EDC4: variants seen among roughly 807,000 people sequenced by gnomAD.
EDC4 encodes the protein enhancer of mRNA-decapping protein 4.
Under a neutral mutation model 155.8 loss-of-function variants are expected in EDC4, and 64 were observed. That is an observed-to-expected ratio of 0.41 (90% CI 0.34 to 0.51). The LOEUF is 0.51. EDC4 is among the 20% of genes least tolerant of loss of function. The pLI, the probability that EDC4 is intolerant of heterozygous loss-of-function variation, is 0.19. For synonymous variants in EDC4, 684 were observed against 716.8 expected (o/e 0.95, Z 0.73); for missense variants, 1,303 against 1,812.5 (o/e 0.72, Z 5.10).
At chr16:67,874,328 C>A (rs1464393732) in intron 1 of EDC4, among the ~76,000 whole-genome samples, 1 of 152,216 alleles carries the variant, frequency 6.6e-6, no homozygotes, top group Non-Finnish European at 1.5e-5. Context: ...CTTGTTCTTA[C>A]ACCTGCTGGG....
chr16:67,880,294 A>G lies in EDC4; in HGVS notation c.2097+78A>G. The G allele has an allele frequency of 2.0e-6, 3 of 1,512,934 alleles. No individual in the cohort carries two copies. Among genetic ancestry groups the G allele is most frequent in the Non-Finnish European group, 2.6e-6 (3 of 1,133,368 alleles). 93.7% of individuals were successfully genotyped at this position (1,512,934 alleles called of 1,614,324 possible). On this transcript the variant is annotated intron_variant, in intron 17 of 28. Transcript: ENST00000358933. The surrounding 1 kb of genome is among the most constrained non-coding windows in gnomAD (Gnocchi z 5.2). ...GGAAGGTGGGTGGTGGGCTCCTCCC[A>G]GCCCCCTGCTGCTGATCCTGCTCTA...
chr16:67,882,132 C>G lies in EDC4; in HGVS notation c.3160+23C>G. ...CATGTGAGTTTTGCATGCAGACTCC[C>G]TTTGGGTGGTTCAGGTGGGAGTGGG... On this transcript the variant is annotated intron_variant, in intron 23 of 28. Coordinates refer to ENST00000358933, the MANE Select transcript of EDC4 (RefSeq NM_014329.5). The surrounding 1 kb of genome is among the most constrained non-coding windows in gnomAD (Gnocchi z 7.2). 1.2e-6 allele frequency: 2 copies of G among 1,613,812 alleles called. No homozygotes were observed. Among genetic ancestry groups the G allele is most frequent in the Non-Finnish European group, 1.7e-6 (2 of 1,179,992 alleles).
rs2058065101 is a variant in EDC4 at position 67,881,001 on chromosome 16, T to TGGGAGGG, written c.2531+13_2531+19dup. ...CACCCTGGCAGAAAGGTGAGGAGCT[T>TGGGAGGG]GGGAGGGGAAAAGTGTGCTAGCAGG... On this transcript the variant is annotated intron_variant, in intron 18 of 28. Transcript: ENST00000358933. This position sits in a 1 kb window ranked among gnomAD's most constrained non-coding sequence, Gnocchi z 5.4. 1.2e-6 allele frequency: 2 copies of TGGGAGGG among 1,613,324 alleles called. No individual in the cohort carries two copies. The highest frequency in any genetic ancestry group is 8.5e-7 in the Non-Finnish European group (1 of 1,179,716).
rs775435616 is a variant in EDC4 at position 67,881,982 on chromosome 16, G to GGGGCAGCAGCGGGGA, written c.3041_3055dup (p.Gln1014_Gln1018dup). ...GGCGGCTGGAGCGAGCACTGGCTGAGGGGCAGCAGCGGGGAGGGCAGCTGC... is the reference window on the plus strand; with the variant it reads ...GGCGGCTGGAGCGAGCACTGGCTGAGGGGCAGCAGCGGGGAGGGCAGCAGCGGGGAGGGCAGCTGC... On this transcript the variant is annotated inframe_insertion, in exon 23 of 29. Transcript: ENST00000358933. The surrounding 1 kb of genome is among the most constrained non-coding windows in gnomAD (Gnocchi z 5.4). 2.5e-6 allele frequency: 4 copies of GGGGCAGCAGCGGGGA among 1,609,978 alleles called. No homozygotes were observed. The South Asian group carries it at 4.4e-5, about 18-fold the overall frequency.
rs1409671029 is a variant in EDC4, at chr16:67,879,407, T to C, written c.1542-5T>C. On this transcript the variant is annotated splice_region_variant and splice_polypyrimidine_tract_variant and intron_variant, in intron 13 of 28. Coordinates refer to ENST00000358933, the MANE Select transcript of EDC4 (RefSeq NM_014329.5). The surrounding 1 kb of genome is among the most constrained non-coding windows in gnomAD (Gnocchi z 6.0). Reference sequence around the variant, plus strand: ...CACTTTATTCTCCCCCTTCTTTTCCTGCAGGGCACTGCAAGATGTGCAGAT... The same window carrying C: ...CACTTTATTCTCCCCCTTCTTTTCCCGCAGGGCACTGCAAGATGTGCAGAT... 1.9e-6 allele frequency: 3 copies of C among 1,614,080 alleles called. No homozygotes were observed. Among genetic ancestry groups the C allele is most frequent in the Non-Finnish European group, 2.5e-6 (3 of 1,180,034 alleles).
intron 1 of EDC4, 148 bp from the exon 2 acceptor site, chr16:67,875,797 A>G (rs751471415): frequency 3.4e-6 from 5 of 1,471,472 alleles, no homozygotes; most frequent in Admixed American, 2.5e-5. Flanking sequence ...GGAACGAGAG[A>G]TGAACACAGG....
Position 67,878,620 on chromosome 16 carries a change from G to A in EDC4, c.1173G>A (p.Leu391=). 6.2e-7 allele frequency: 1 copy of A among 1,614,212 alleles called. No individual in the cohort carries two copies. ...GGTGTACAGTATCCTGGACCTGCCT[G>A]CAGACTATTCGGTAAGCAGTGGCTG... ...KMWCTVSWTC[L]QTIRFSPDIF... The change falls in exon 10 of 29, where the codon CTG becomes CTA. Residue 391 remains leucine, a synonymous_variant. Transcript: ENST00000358933. The surrounding 1 kb of genome is among the most constrained non-coding windows in gnomAD (Gnocchi z 5.2).
Position 67,876,004 on chromosome 16 carries a change from C to A in EDC4, c.142C>A (p.Leu48Met). 1.2e-6 allele frequency: 2 copies of A among 1,614,204 alleles called. No individual in the cohort carries two copies. Among genetic ancestry groups the A allele is most frequent in the Non-Finnish European group, 1.7e-6 (2 of 1,180,040 alleles). ...CTACAATGGGGACCTCAATGGACTT[C>A]TGGTCCCAGACCCGCTCTGCTCAGG... ...SAYNGDLNGL[L>M]VPDPLCSGDS... Residue 48 changes from leucine (L) to methionine (M), a missense_variant, in exon 2 of 29, where the codon CTG becomes ATG. Leu to Met is a conservative substitution (Grantham distance 15). Around this residue, in one of 5 missense-constraint regions of EDC4, gnomAD observed 99 missense variants for 121.3 expected, o/e 0.82. Transcript: ENST00000358933. This position sits in a 1 kb window ranked among gnomAD's most constrained non-coding sequence, Gnocchi z 5.8.
Position 67,883,235 on chromosome 16 carries a change from C to G in EDC4, c.3849+58C>G. The G allele has an allele frequency of 6.7e-7, 1 of 1,500,632 alleles. No individual in the cohort carries two copies. The highest frequency in any genetic ancestry group is 1.3e-5 in the South Asian group (1 of 78,230). The allele number at this position is 1,500,632 out of a possible 1,614,324, so 93.0% of individuals were successfully genotyped here. A position where few individuals can be genotyped will look rare whatever the true frequency, so the allele number is the denominator to read the frequency against. ...CGTGTCTCTTGACAAGGCCCACATA[C>G]CATACATTCTACTCCACCCACCACC... On this transcript the variant is annotated intron_variant, in intron 27 of 28. Transcript: ENST00000358933. This position sits in a 1 kb window ranked among gnomAD's most constrained non-coding sequence, Gnocchi z 5.3.
chr16:67,873,330 C>A lies in EDC4; in HGVS notation c.69C>A (p.Asp23Glu). 6.8e-7 allele frequency: 1 copy of A among 1,463,878 alleles called. No homozygotes were observed. The highest frequency in any genetic ancestry group is 1.3e-5 in the South Asian group (1 of 76,230). The allele number at this position is 1,463,878 out of a possible 1,614,324, so 90.7% of individuals were successfully genotyped here. ...TQHLRDILKL[D>E]RPAGGPSAES... The stretch of plus-strand genomic sequence containing the variant: ...ACCTGCGGGACATCCTCAAGCTGGA[C>A]CGGCCCGCGGGCGGTGAGCGGGGGT... The change falls in exon 1 of 29, where the codon GAC (aspartate) becomes GAA (glutamate). Residue 23 changes from aspartate (D) to glutamate (E), a missense_variant. Asp to Glu is a conservative substitution (Grantham distance 45). Around this residue, in one of 5 missense-constraint regions of EDC4, gnomAD observed 99 missense variants for 121.3 expected, o/e 0.82. Coordinates refer to ENST00000358933, the MANE Select transcript of EDC4 (RefSeq NM_014329.5).
Position 67,882,176 on chromosome 16 carries a change from C to T in EDC4, c.3161-36C>T. 1.2e-6 allele frequency: 2 copies of T among 1,611,720 alleles called. No homozygotes were observed. The highest frequency in any genetic ancestry group is 1.7e-6 in the Non-Finnish European group (2 of 1,178,578). The stretch of plus-strand genomic sequence containing the variant: ...GAGTGGGGTACCTGTCAAGCTTCTT[C>T]TCATGGCTCCACCTCACCCTCTTCC... On this transcript the variant is annotated intron_variant, in intron 23 of 28. Coordinates refer to ENST00000358933, the MANE Select transcript of EDC4 (RefSeq NM_014329.5). This position sits in a 1 kb window ranked among gnomAD's most constrained non-coding sequence, Gnocchi z 7.2.
At position 67,880,896 on chromosome 16, in the gene EDC4, G is replaced by T; in HGVS notation, c.2437G>T (p.Ala813Ser). 6.2e-7 allele frequency: 1 copy of T among 1,614,008 alleles called. No individual in the cohort carries two copies. The highest frequency in any genetic ancestry group is 8.5e-7 in the Non-Finnish European group (1 of 1,180,008). Residue 813 changes from alanine (A) to serine (S), a missense_variant, in exon 18 of 29, where the codon GCA becomes TCA. Physicochemically the swap from Ala to Ser is moderately conservative, Grantham distance 99. Coordinates refer to ENST00000358933, the MANE Select transcript of EDC4 (RefSeq NM_014329.5). The surrounding 1 kb of genome is among the most constrained non-coding windows in gnomAD (Gnocchi z 5.2). ...DRHNTPSLLE[A>S]ALTQEASTPD... Reference sequence around the variant, plus strand: ...GCATAATACCCCCTCCCTCCTGGAGGCAGCCTTGACCCAGGAGGCCTCGAC... The same window carrying T: ...GCATAATACCCCCTCCCTCCTGGAGTCAGCCTTGACCCAGGAGGCCTCGAC...
Position 67,878,565 on chromosome 16 carries a change from G to A in EDC4, c.1118G>A (p.Gly373Asp), listed in dbSNP as rs2058051558. Reference protein sequence around the residue: ...DVPFWRFLITGADQNRELKMW... With the variant: ...DVPFWRFLITDADQNRELKMW... ...CCTTTCTGGAGGTTCCTTATTACTG[G>A]TGCTGACCAGAACCGAGAGTTAAAG... Residue 373 changes from glycine (G) to aspartate (D), a missense_variant, in exon 10 of 29, where the codon GGT (glycine) becomes GAT (aspartate). Gly to Asp is a moderately conservative substitution (Grantham distance 94). Transcript: ENST00000358933. The surrounding 1 kb of genome is among the most constrained non-coding windows in gnomAD (Gnocchi z 5.2). 6.2e-7 allele frequency: 1 copy of A among 1,614,100 alleles called. No individual in the cohort carries two copies. Among genetic ancestry groups the A allele is most frequent in the Non-Finnish European group, 8.5e-7 (1 of 1,180,060 alleles).
Position 67,881,252 on chromosome 16 carries a change from C to T in EDC4, c.2637-13C>T. 1 of 1,614,030 alleles carries T rather than the reference C, an allele frequency of 6.2e-7. No homozygotes were observed. Among genetic ancestry groups the T allele is most frequent in the Non-Finnish European group, 8.5e-7 (1 of 1,179,988 alleles). On this transcript the variant is annotated splice_polypyrimidine_tract_variant and intron_variant, in intron 19 of 28. Coordinates refer to ENST00000358933, the MANE Select transcript of EDC4 (RefSeq NM_014329.5). The surrounding 1 kb of genome is among the most constrained non-coding windows in gnomAD (Gnocchi z 5.4). ...AGTGGGCAGGGGCTTACTCCTCCTT[C>T]CCCTTCCCACAGTGACCATGATGAT...
Position 67,881,199 on chromosome 16 carries a change from C to T in EDC4, c.2636+19C>T. On this transcript the variant is annotated intron_variant, in intron 19 of 28. Coordinates refer to ENST00000358933, the MANE Select transcript of EDC4 (RefSeq NM_014329.5). The surrounding 1 kb of genome is among the most constrained non-coding windows in gnomAD (Gnocchi z 5.4). ...AGCAAAGGTGGGAGCCACTCTACAC[C>T]ATTGCCCTCATGGGGGGATGGGCAG... 1.9e-6 allele frequency: 3 copies of T among 1,614,114 alleles called. No individual in the cohort carries two copies. Among genetic ancestry groups the T allele is most frequent in the Non-Finnish European group, 2.5e-6 (3 of 1,180,030 alleles).
At position 67,882,040 on chromosome 16, in the gene EDC4, C is replaced by G. The variant is rs528620347; in HGVS notation, c.3091C>G (p.Leu1031Val). 6.2e-7 allele frequency: 1 copy of G among 1,612,734 alleles called. No individual in the cohort carries two copies. The highest frequency in any genetic ancestry group is 8.5e-7 in the Non-Finnish European group (1 of 1,179,676). The change falls in exon 23 of 29, where the codon CTG (leucine) becomes GTG (valine). Residue 1031 changes from leucine (L) to valine (V), a missense_variant. Transcript: ENST00000358933. This position sits in a 1 kb window ranked among gnomAD's most constrained non-coding sequence, Gnocchi z 7.2. Reference sequence around the variant, plus strand: ...GCTGACACAACAGTTGTCCCAAGCACTGTCGTCAGCTGTAGCTGGGCGGCT... The same window carrying G: ...GCTGACACAACAGTTGTCCCAAGCAGTGTCGTCAGCTGTAGCTGGGCGGCT... ...EQLTQQLSQA[L>V]SSAVAGRLER...
Position 67,881,930 on chromosome 16 carries a change from G to T in EDC4, c.3005-24G>T. 1 of 1,604,342 alleles carries T rather than the reference G, an allele frequency of 6.2e-7. No individual in the cohort carries two copies. Among genetic ancestry groups the T allele is most frequent in the Non-Finnish European group, 8.5e-7 (1 of 1,173,480 alleles). On this transcript the variant is annotated intron_variant, in intron 22 of 28. Transcript: ENST00000358933. The surrounding 1 kb of genome is among the most constrained non-coding windows in gnomAD (Gnocchi z 5.4). ...GGAAGGAGTACACGACCTGCTCCAG[G>T]CCCGTTCCTTAGCTATGGCGCAGAG...
In EDC4 at chr16:67,879,284, A is replaced by C; in HGVS notation, c.1516A>C (p.Ile506Leu). 2 of 1,614,138 alleles carry C rather than the reference A, an allele frequency of 1.2e-6. No individual in the cohort carries two copies. The highest frequency in any genetic ancestry group is 2.2e-5 in the South Asian group (2 of 91,080). Residue 506 changes from isoleucine to leucine, a missense_variant, in exon 13 of 29, where the codon ATC becomes CTC. Ile to Leu is a conservative substitution (Grantham distance 5). Around this residue, in one of 5 missense-constraint regions of EDC4, gnomAD observed 391 missense variants for 445.4 expected, o/e 0.88. Coordinates refer to ENST00000358933, the MANE Select transcript of EDC4 (RefSeq NM_014329.5). This position sits in a 1 kb window ranked among gnomAD's most constrained non-coding sequence, Gnocchi z 6.0. ...GAMESAAGVL[I>L]KLFCVHTKAL... Reference sequence around the variant, plus strand: ...CATGGAGTCTGCGGCCGGTGTGCTCATCAAGCTCTTTTGTGTGCATACTAA... The same window carrying C: ...CATGGAGTCTGCGGCCGGTGTGCTCCTCAAGCTCTTTTGTGTGCATACTAA...
At chr16:67,875,146 G>C (rs1285683170) in intron 1 of EDC4, among the ~76,000 whole-genome samples, 1 of 152,208 alleles carries the variant, frequency 6.6e-6, no homozygotes, top group Non-Finnish European at 1.5e-5. Flanking sequence ...GAGCCTATGA[G>C]AGTGTTTGAA....
Sources: gnomAD v4.1 joint callset for allele counts (sites outside exome capture counted in the v4.1 genomes callset) on GRCh38, gnomAD v4.1.1 for gene constraint, gnomAD v4.1.1 regional missense constraint, Gnocchi (gnomAD v3.1) non-coding constraint, MANE v1.5 for transcripts, NCBI Gene and HGNC (gene_info 2026-07-23, HGNC 2026-07-21) for gene names.